The following DDR2 variants were observed in gnomAD, a reference collection of about 807,000 sequenced individuals.
The protein encoded by DDR2 is discoidin domain-containing receptor 2.
DDR2 carries 27 observed loss-of-function variants against 94.9 expected under a neutral mutation model. That is an observed-to-expected ratio of 0.28 (90% CI 0.21 to 0.39). DDR2 has a LOEUF of 0.39. Among genes scored for constraint, DDR2 ranks in the 10% least tolerant of loss-of-function variants. The pLI is 1.00. For synonymous variants in DDR2, 382 were observed against 377.2 expected (o/e 1.01, Z -0.15); for missense variants, 783 against 1,076.0 (o/e 0.73, Z 3.81).
chr1:162,647,347 G>T (rs566165359), intron 1 of DDR2, among the ~76,000 whole-genome samples: 1 of 152,078 alleles, frequency 6.6e-6, no homozygotes, highest in Non-Finnish European at 1.5e-5. Flanking sequence ...TGGACTTGAC[G>T]TTTTCTACTT....
intron 3 of DDR2, among the ~76,000 whole-genome samples, chr1:162,752,144 A>T (rs917770106): frequency 9.2e-5 from 11 of 119,568 alleles, no homozygotes; most frequent in South Asian, 3.2e-4. Flanking sequence ...AAAGTATAAT[A>T]AAAAAAAAAG....
chr1:162,724,347 G>A (rs1346465540), intron 3 of DDR2, among the ~76,000 whole-genome samples: 2 of 152,150 alleles, frequency 1.3e-5, no homozygotes, highest in African/African-American at 2.4e-5. Flanking sequence ...GGGATGAGAT[G>A]TAATTGAGAT....
At chr1:162,760,662 C>T (rs1198755627) in intron 8 of DDR2, among the ~76,000 whole-genome samples, 3 of 151,606 alleles carry the variant, frequency 2.0e-5, no homozygotes, top group African/African-American at 7.3e-5. Flanking sequence ...ATTTTTCCTT[C>T]TAGGAACCTC....
At chr1:162,657,197 A>G (rs555713837) in intron 2 of DDR2, among the ~76,000 whole-genome samples, 2 of 152,210 alleles carry the variant, frequency 1.3e-5, no homozygotes, top group Admixed American at 1.3e-4. Context: ...GGCATATGCT[A>G]TATATAGCCT....
chr1:162,672,325 A>C (rs1658894050), intron 2 of DDR2, among the ~76,000 whole-genome samples: 2 of 152,214 alleles, frequency 1.3e-5, no homozygotes, highest in South Asian at 4.1e-4. Context: ...TAATTTTAGC[A>C]TTCCGTCCAG....
intron 2 of DDR2, among the ~76,000 whole-genome samples, chr1:162,662,048 A>G (rs1054518506): frequency 5.3e-5 from 8 of 152,196 alleles, no homozygotes; most frequent in African/African-American, 1.9e-4. Context: ...AGAGCCCCTT[A>G]TGTTAAACCT....
chr1:162,761,310 TC>T lies in DDR2; in HGVS notation c.957del (p.Phe320SerfsTer38). The stretch of plus-strand genomic sequence containing the variant: ...CAGTGAGTGGGAACCTAATGCCATT[TC>T]CTTCCCCCTTGTCCTGGATGACGTC... ...EASEWEPNAI[S>X]FPLVLDDVNP... On this transcript the variant is annotated frameshift_variant, in exon 9 of 18. Transcript: ENST00000367921. LOFTEE classifies it high-confidence loss of function. The T allele has an allele frequency of 6.2e-7, 1 of 1,614,192 alleles. No homozygotes were observed. Among genetic ancestry groups the T allele is most frequent in the Non-Finnish European group, 8.5e-7 (1 of 1,180,032 alleles).
At position 162,785,526 on chromosome 1, in the gene DDR2, G is replaced by A. The variant is rs938084831; in HGVS notation, c.*5280G>A. 7.2e-5 allele frequency: 11 copies of A among 152,124 alleles called. No individual in the cohort carries two copies. Among genetic ancestry groups the A allele is most frequent in the African/African-American group, 2.7e-4 (11 of 41,416 alleles). 9.4% of individuals were successfully genotyped at this position (152,124 alleles called of 1,614,324 possible). ...CTCCAGTTTTGTGGATTACAGTTTTGAGTTTTATGATTGACATTTTTAAGT... is the reference window on the plus strand; with the variant it reads ...CTCCAGTTTTGTGGATTACAGTTTTAAGTTTTATGATTGACATTTTTAAGT... On this transcript the variant is annotated 3_prime_UTR_variant, in exon 18 of 18. Transcript: ENST00000367921.
chr1:162,761,526 C>A (rs1663747155), intron 9 of DDR2, 72 bp downstream of exon 9: 2 of 1,611,148 alleles, frequency 1.2e-6, no homozygotes, highest in Admixed American at 3.3e-5. Context: ...CCCAGAACTT[C>A]TCATTAGCAG....
rs144791242 is a variant in DDR2 at position 162,769,063 on chromosome 1, G to T, written c.1294-1239G>T. Among the ~76,000 whole-genome samples the T allele has an allele frequency of 4.5e-3, 679 of 152,290 alleles. 5 individuals are homozygous for T. The highest frequency in any genetic ancestry group is 7.4e-3 in the Non-Finnish European group (505 of 68,018). On this transcript the variant is annotated intron_variant, in intron 11 of 17. Coordinates refer to ENST00000367921, the MANE Select transcript of DDR2 (RefSeq NM_006182.4). ...CCAAGGGGGAAAGTCTGTGTTCTCTGCTATATGAGCTCTTTTTCTCTTTAT... is the reference window on the plus strand; with the variant it reads ...CCAAGGGGGAAAGTCTGTGTTCTCTTCTATATGAGCTCTTTTTCTCTTTAT...
chr1:162,770,973 T>TAAC, intron 12 of DDR2, among the ~76,000 whole-genome samples: 1 of 152,350 alleles, frequency 6.6e-6, no homozygotes, highest in East Asian at 1.9e-4. Flanking sequence ...GTGTAGCCAT[T>TAAC]TAAATAACTA....
intron 2 of DDR2, among the ~76,000 whole-genome samples, chr1:162,717,831 T>C (rs1430074876): frequency 6.6e-6 from 1 of 152,216 alleles, no homozygotes; most frequent in African/African-American, 2.4e-5. Flanking sequence ...CTTGATTACC[T>C]GTCTTGAGGA....
chr1:162,701,400 G>T (rs1558035008), intron 2 of DDR2, among the ~76,000 whole-genome samples: 1 of 152,180 alleles, frequency 6.6e-6, no homozygotes, highest in East Asian at 1.9e-4. Flanking sequence ...TGGTCATGTG[G>T]GAGTGTTCAT....
At chr1:162,740,297 C>T (rs74116792) in intron 3 of DDR2, among the ~76,000 whole-genome samples, 2,764 of 152,250 alleles carry the variant, frequency 0.018, 78 homozygotes, top group African/African-American at 0.063. Context: ...GCCCTATCCT[C>T]CCCTCAAAAT....
intron 3 of DDR2, among the ~76,000 whole-genome samples, chr1:162,738,194 T>A (rs1412477670): frequency 6.2e-5 from 7 of 113,532 alleles, no homozygotes; most frequent in Admixed American, 9.5e-5. Flanking sequence ...ACATGATTGT[T>A]TATCTAGAAA....
rs758800987 is a variant in DDR2, at chr1:162,755,660, G to T, written c.566-4G>T. On this transcript the variant is annotated splice_polypyrimidine_tract_variant and splice_region_variant and intron_variant, in intron 6 of 17. Transcript: ENST00000367921. ...GCACTCACTTGGCTGTGTTTCCTTTGCAGATGGCTTGGTGTCTTACAATGC... is the reference window on the plus strand; with the variant it reads ...GCACTCACTTGGCTGTGTTTCCTTTTCAGATGGCTTGGTGTCTTACAATGC... 1 of 1,613,966 alleles carries T rather than the reference G, an allele frequency of 6.2e-7. No individual in the cohort carries two copies. Among genetic ancestry groups the T allele is most frequent in the South Asian group, 1.1e-5 (1 of 91,076 alleles).
chr1:162,685,624 G>T (rs1659651476), intron 2 of DDR2, among the ~76,000 whole-genome samples: 1 of 152,024 alleles, frequency 6.6e-6, no homozygotes. Context: ...GATCTCGGAG[G>T]TCCTTTCTGG....
At chr1:162,691,413 C>A (rs1039464299) in intron 2 of DDR2, among the ~76,000 whole-genome samples, 5 of 152,194 alleles carry the variant, frequency 3.3e-5, no homozygotes, top group Non-Finnish European at 7.3e-5. Flanking sequence ...ATGCAACCTA[C>A]TGTCTGGTTG....
In DDR2 at chr1:162,786,754, G is replaced by A. The variant is rs1055469391; in HGVS notation, c.*6508G>A. ...ATTTAAATAGACCTCTAACATATGA[G>A]TTGACTGTTTATTGGGAAGAAAGCA... On this transcript the variant is annotated 3_prime_UTR_variant, in exon 18 of 18. Transcript: ENST00000367921. 12 of 152,176 alleles carry A rather than the reference G, an allele frequency of 7.9e-5. No homozygotes were observed. The highest frequency in any genetic ancestry group is 2.9e-4 in the African/African-American group (12 of 41,450). The allele number at this position is 152,176 out of a possible 1,614,324, so 9.4% of individuals were successfully genotyped here. A position where few individuals can be genotyped will look rare whatever the true frequency, so the allele number is the denominator to read the frequency against.
Sources: gnomAD v4.1 joint callset for allele counts (sites outside exome capture counted in the v4.1 genomes callset) on GRCh38, gnomAD v4.1.1 for gene constraint, MANE v1.5 for transcripts, NCBI Gene and HGNC (gene_info 2026-07-23, HGNC 2026-07-21) for gene names.